The following CACNA2D1 variants were observed in gnomAD, a reference collection of about 807,000 sequenced individuals.
CACNA2D1 encodes the protein voltage-dependent calcium channel subunit alpha-2/delta-1.
CACNA2D1 carries 53 observed loss-of-function variants against 171.5 expected under a neutral mutation model. The observed-to-expected ratio is 0.31, with a 90% CI of 0.25 to 0.39. CACNA2D1 has a LOEUF of 0.39. Ranked by LOEUF, CACNA2D1 falls within the 10% of genes least tolerant of loss-of-function variation. The pLI, the probability that CACNA2D1 is intolerant of heterozygous loss-of-function variation, is 1.00. For synonymous variants in CACNA2D1, 442 were observed against 443.1 expected (o/e 1.00, Z 0.03); for missense variants, 903 against 1,299.8 (o/e 0.69, Z 4.69).
chr7:82,255,810 A>G (rs1307299508), intron 3 of CACNA2D1, among the ~76,000 whole-genome samples: 1 of 152,190 alleles, frequency 6.6e-6, no homozygotes, highest in African/African-American at 2.4e-5. Context: ...TGAATTACTG[A>G]CCAACTGCCC....
intron 15 of CACNA2D1, among the ~76,000 whole-genome samples, chr7:82,008,855 C>A (rs1480591147): frequency 6.6e-6 from 1 of 151,874 alleles, no homozygotes; most frequent in Non-Finnish European, 1.5e-5. Flanking sequence ...ATAGGAGGCC[C>A]AAATTCAATG....
intron 3 of CACNA2D1, among the ~76,000 whole-genome samples, chr7:82,300,513 A>G (rs938064775): frequency 6.6e-5 from 10 of 152,214 alleles, no homozygotes; most frequent in African/African-American, 2.4e-4. Flanking sequence ...ATCAGAATAT[A>G]TATGAAAAGC....
intron 2 of CACNA2D1, among the ~76,000 whole-genome samples, chr7:82,346,611 A>G (rs941877655): frequency 1.3e-5 from 2 of 152,040 alleles, no homozygotes; most frequent in Admixed American, 6.6e-5. Context: ...CAAACAAACC[A>G]TTTCTGTGCT....
At chr7:82,216,911 A>T (rs1351977133) in intron 3 of CACNA2D1, among the ~76,000 whole-genome samples, 1 of 151,478 alleles carries the variant, frequency 6.6e-6, no homozygotes, top group Non-Finnish European at 1.5e-5. Flanking sequence ...AAAAAAAAGA[A>T]AGCTGGTTAA....
intron 2 of CACNA2D1, 133 bp from the exon 3 acceptor site, chr7:82,335,384 G>C (rs1420106420): frequency 4.4e-6 from 3 of 674,460 alleles, no homozygotes; most frequent in Non-Finnish European, 7.9e-6. Flanking sequence ...GATCTTTTTG[G>C]AGTTTGAGTG....
At chr7:82,110,852 T>A (rs4728497) in intron 6 of CACNA2D1, among the ~76,000 whole-genome samples, 55,558 of 151,956 alleles carry the variant, frequency 0.37, 10,520 homozygotes, top group African/African-American at 0.46. Flanking sequence ...GGCACTATCA[T>A]TAACCTCTTC....
intron 3 of CACNA2D1, among the ~76,000 whole-genome samples, chr7:82,246,144 C>A (rs1233727584): frequency 6.6e-6 from 1 of 151,524 alleles, no homozygotes; most frequent in African/African-American, 2.4e-5. Flanking sequence ...CTAGAAAATA[C>A]TGATAAGCAA....
chr7:82,012,401 C>T (rs532323310), intron 14 of CACNA2D1, 158 bp from the exon 15 acceptor site: 2 of 625,600 alleles, frequency 3.2e-6, no homozygotes, highest in East Asian at 5.5e-5. Flanking sequence ...TTTGGGTACT[C>T]CATAGGTGGT....
chr7:82,340,255 G>A lies in CACNA2D1; in HGVS notation c.178-5004C>T, dbSNP rs868721841. ...CTTGCCTCTGAACTGCCCTTCCTCT[G>A]ACCAAACTATTTTCTAAATAACTTG... On this transcript the variant is annotated intron_variant, in intron 2 of 38. Coordinates refer to ENST00000356860, the MANE Select transcript of CACNA2D1 (RefSeq NM_000722.4). Among the ~76,000 whole-genome samples the A allele has an allele frequency of 4.7e-4, 71 of 152,080 alleles. 1 individual carries two copies. Among genetic ancestry groups the A allele is most frequent in the Middle Eastern group, 6.9e-3 (2 of 290 alleles).
At chr7:82,214,863 T>A (rs1360303139) in intron 3 of CACNA2D1, among the ~76,000 whole-genome samples, 1 of 152,204 alleles carries the variant, frequency 6.6e-6, no homozygotes, top group East Asian at 1.9e-4. Flanking sequence ...CTAAATAATA[T>A]AATTCATCAT....
chr7:82,252,484 C>T (rs1805764542), intron 3 of CACNA2D1, among the ~76,000 whole-genome samples: 1 of 152,186 alleles, frequency 6.6e-6, no homozygotes, highest in African/African-American at 2.4e-5. Flanking sequence ...GCCCGCTGCA[C>T]TCATCAGTAG....
intron 4 of CACNA2D1, among the ~76,000 whole-genome samples, chr7:82,140,446 C>G (rs1038134103): frequency 6.6e-6 from 1 of 152,140 alleles, no homozygotes; most frequent in Non-Finnish European, 1.5e-5. Flanking sequence ...TCCCTTATTT[C>G]ATGAAACAGA....
At chr7:82,005,318 T>A in intron 18 of CACNA2D1, 105 bp downstream of exon 18, 1 of 750,960 alleles carries the variant, frequency 1.3e-6, no homozygotes, top group South Asian at 1.5e-5. Context: ...GACTGTACTT[T>A]GATATTTAGT....
In CACNA2D1 at chr7:82,172,746, GC is replaced by G. The variant is rs373335608; in HGVS notation, c.295-2138del. On this transcript the variant is annotated intron_variant, in intron 3 of 38. Transcript: ENST00000356860. Reference sequence around the variant, plus strand: ...AGCCATCCTGCCCGGCCAAAGACATGCCCTTGACAAAATTTGCAATGTAAAT... The same window carrying G: ...AGCCATCCTGCCCGGCCAAAGACATGCCTTGACAAAATTTGCAATGTAAAT... Among the ~76,000 whole-genome samples, 344 of 137,762 alleles carry G rather than the reference GC, an allele frequency of 2.5e-3. 1 individual carries two copies. Among genetic ancestry groups the G allele is most frequent in the African/African-American group, 9.0e-3 (328 of 36,404 alleles). 90.4% of individuals were successfully genotyped at this position (137,762 alleles called of 152,430 possible).
At chr7:82,002,038 A>AAAC (rs1798665405) in intron 18 of CACNA2D1, among the ~76,000 whole-genome samples, 3 of 150,376 alleles carry the variant, frequency 2.0e-5, no homozygotes, top group Admixed American at 1.3e-4. Context: ...AAAAAAAAAA[A>AAAC]AAAAAGAGAG....
At chr7:82,177,577 A>G (rs543618793) in intron 3 of CACNA2D1, among the ~76,000 whole-genome samples, 1 of 150,340 alleles carries the variant, frequency 6.7e-6, no homozygotes, top group South Asian at 2.1e-4. Context: ...AAAACCCCTC[A>G]GGGAAACTAA....
chr7:82,080,577 GC>G (rs1809627044), intron 7 of CACNA2D1, among the ~76,000 whole-genome samples: 1 of 152,140 alleles, frequency 6.6e-6, no homozygotes, highest in African/African-American at 2.4e-5. Flanking sequence ...TACCTTCTTA[GC>G]AAAAGTGTAT....
intron 26 of CACNA2D1, 52 bp downstream of exon 26, chr7:81,971,725 A>G: frequency 9.8e-7 from 1 of 1,021,484 alleles, no homozygotes; most frequent in African/African-American, 1.6e-5. Context: ...CACAGGAGAA[A>G]CTAAATTGAA....
intron 3 of CACNA2D1, among the ~76,000 whole-genome samples, chr7:82,209,111 C>G (rs1011979336): frequency 6.6e-6 from 1 of 152,154 alleles, no homozygotes; most frequent in Non-Finnish European, 1.5e-5. Context: ...CATCTACACT[C>G]ACAGCGTCTC....
Sources: gnomAD v4.1 joint callset for allele counts (sites outside exome capture counted in the v4.1 genomes callset) on GRCh38, gnomAD v4.1.1 for gene constraint, MANE v1.5 for transcripts, NCBI Gene and HGNC (gene_info 2026-07-23, HGNC 2026-07-21) for gene names.